Variants in GABRG3 observed in about 807,000 individuals in gnomAD.
The protein encoded by GABRG3 is gamma-aminobutyric acid type A receptor subunit gamma3, also known as gamma-aminobutyric acid receptor subunit gamma-3.
In GABRG3, 25 loss-of-function variants were observed where a neutral mutation model predicts 48.8. That is an observed-to-expected ratio of 0.51 (90% CI 0.37 to 0.72). The LOEUF (loss-of-function observed/expected upper bound fraction) is 0.72. GABRG3 is among the 30% of genes least tolerant of loss of function. GABRG3 has a pLI of 0.00. For missense variants in GABRG3, 394 were observed against 577.9 expected, an observed-to-expected ratio of 0.68 and a Z score of 3.26; for synonymous variants, 227 against 217.6, an observed-to-expected ratio of 1.04 and a Z score of -0.38.
intron 3 of GABRG3, among the ~76,000 whole-genome samples, chr15:27,216,493 G>A (rs1364580532): frequency 6.6e-6 from 1 of 152,140 alleles, no homozygotes; most frequent in African/African-American, 2.4e-5. Context: ...GCAGTGCAGA[G>A]GCAAAGCATC....
At chr15:27,285,080 T>G (rs529614125) in intron 3 of GABRG3, among the ~76,000 whole-genome samples, 1 of 152,302 alleles carries the variant, frequency 6.6e-6, no homozygotes, top group East Asian at 1.9e-4. Flanking sequence ...TGGGTCGTAG[T>G]TGCCTTGGAG....
chr15:27,452,041 A>G (rs1489715277), intron 5 of GABRG3, among the ~76,000 whole-genome samples: 1 of 152,208 alleles, frequency 6.6e-6, no homozygotes, highest in Non-Finnish European at 1.5e-5. Flanking sequence ...GTCAAATTGG[A>G]AGAAAATTTT....
chr15:27,082,851 C>T (rs1834139869), intron 3 of GABRG3, among the ~76,000 whole-genome samples: 1 of 152,196 alleles, frequency 6.6e-6, no homozygotes, highest in Non-Finnish European at 1.5e-5. Context: ...GAGCTCTGTT[C>T]CCTGAGGGAC....
chr15:27,273,445 A>G (rs570935893), intron 3 of GABRG3, among the ~76,000 whole-genome samples: 3 of 152,328 alleles, frequency 2.0e-5, no homozygotes, highest in South Asian at 2.1e-4. Context: ...GTTTTGATCC[A>G]TCACTACCAA....
At chr15:27,270,786 A>T (rs1443686641) in intron 3 of GABRG3, among the ~76,000 whole-genome samples, 1 of 152,300 alleles carries the variant, frequency 6.6e-6, no homozygotes, top group East Asian at 1.9e-4. Context: ...CACGATCCTG[A>T]TTTGATTATT....
chr15:27,005,240 C>T (rs10459764), intron 2 of GABRG3, among the ~76,000 whole-genome samples: 73,518 of 151,348 alleles, frequency 0.49, 18,520 homozygotes, highest in Middle Eastern at 0.61. Flanking sequence ...CTCTCTCTGT[C>T]GCCAGGCTGG....
intron 3 of GABRG3, among the ~76,000 whole-genome samples, chr15:27,282,827 G>A (rs369736963): frequency 1.3e-4 from 20 of 152,210 alleles, no homozygotes; most frequent in Non-Finnish European, 2.1e-4. Context: ...AGTATTATGC[G>A]ATGAAACTGG....
chr15:27,328,955 G>A, intron 5 of GABRG3, 67 bp downstream of exon 5: 2 of 1,247,212 alleles, frequency 1.6e-6, no homozygotes, highest in Non-Finnish European at 2.4e-6. Flanking sequence ...TACTGCTTCT[G>A]TCAAACAGTC....
chr15:27,101,233 G>A (rs938321336), intron 3 of GABRG3, among the ~76,000 whole-genome samples: 1 of 151,958 alleles, frequency 6.6e-6, no homozygotes, highest in Non-Finnish European at 1.5e-5. Flanking sequence ...GAAATACTTA[G>A]GTATAAATCT....
At chr15:27,069,857 T>C (rs1212922919) in intron 3 of GABRG3, among the ~76,000 whole-genome samples, 1 of 152,208 alleles carries the variant, frequency 6.6e-6, no homozygotes, top group African/African-American at 2.4e-5. Flanking sequence ...ACTGGAGAAA[T>C]GGGCACAGAG....
intron 3 of GABRG3, among the ~76,000 whole-genome samples, chr15:27,171,518 A>G (rs1343548485): frequency 6.7e-6 from 1 of 148,702 alleles, no homozygotes; most frequent in African/African-American, 2.5e-5. Flanking sequence ...ATATATATAT[A>G]TATATACATA....
chr15:27,258,225 A>G (rs1890678258), intron 3 of GABRG3, among the ~76,000 whole-genome samples: 1 of 152,214 alleles, frequency 6.6e-6, no homozygotes, highest in Non-Finnish European at 1.5e-5. Flanking sequence ...GATTAGGCAT[A>G]TAAAGCTATA....
At chr15:27,250,718 C>T (rs915250251) in intron 3 of GABRG3, among the ~76,000 whole-genome samples, 1 of 152,320 alleles carries the variant, frequency 6.6e-6, no homozygotes, top group Admixed American at 6.5e-5. Flanking sequence ...TGAGCCACCG[C>T]GACTAGCCTC....
chr15:27,327,370 G>A (rs1051489179), intron 4 of GABRG3, among the ~76,000 whole-genome samples: 4 of 152,174 alleles, frequency 2.6e-5, no homozygotes, highest in African/African-American at 9.6e-5. Flanking sequence ...GTAAATCTGA[G>A]ACCACAAGGA....
chr15:27,398,866 A>G (rs769948654), intron 5 of GABRG3, among the ~76,000 whole-genome samples: 3 of 152,220 alleles, frequency 2.0e-5, no homozygotes, highest in African/African-American at 7.2e-5. Flanking sequence ...ACAAGAAAGC[A>G]GATCAGGCAG....
At chr15:26,981,373 T>C (rs1419087491) in intron 2 of GABRG3, among the ~76,000 whole-genome samples, 3 of 152,208 alleles carry the variant, frequency 2.0e-5, no homozygotes, top group Non-Finnish European at 2.9e-5. Flanking sequence ...ATATACTCTA[T>C]ATGAGTTTAA....
chr15:27,146,751 G>A (rs1438935942), intron 3 of GABRG3, among the ~76,000 whole-genome samples: 2 of 152,140 alleles, frequency 1.3e-5, no homozygotes, highest in East Asian at 1.9e-4. Context: ...GATGTTATTT[G>A]TAATTCCTAG....
At chr15:27,229,705 G>C (rs1889740799) in intron 3 of GABRG3, among the ~76,000 whole-genome samples, 1 of 152,102 alleles carries the variant, frequency 6.6e-6, no homozygotes, top group Non-Finnish European at 1.5e-5. Flanking sequence ...TCTAACTCCT[G>C]ACCTCAGGTG....
At chr15:27,476,258 A>C (rs925525502) in intron 5 of GABRG3, among the ~76,000 whole-genome samples, 2 of 152,200 alleles carry the variant, frequency 1.3e-5, no homozygotes, top group African/African-American at 4.8e-5. Flanking sequence ...GCAACAAAGA[A>C]ATAACAAAAT....
Sources: allele counts gnomAD v4.1 joint callset (sites outside exome capture counted in the v4.1 genomes callset), GRCh38; gene constraint gnomAD v4.1.1; transcripts MANE v1.5; gene names NCBI Gene and HGNC (gene_info 2026-07-23, HGNC 2026-07-21).